MYO3A: variants seen among roughly 807,000 people sequenced by gnomAD.
MYO3A encodes the protein myosin IIIA.
MYO3A carries 180 observed loss-of-function variants against 192.7 expected under a neutral mutation model. That is an observed-to-expected ratio of 0.93 (90% CI 0.83 to 1.06). The LOEUF is 1.06. Ranked by LOEUF, MYO3A falls within the 50% of genes least tolerant of loss-of-function variation. The pLI is 0.00. For missense variants in MYO3A, 1,896 were observed against 1,905.0 expected (o/e 1.00, Z 0.09); for synonymous variants, 628 against 645.3 (o/e 0.97, Z 0.41).
At chr10:26,034,801 GC>G (rs1842951592) in intron 10 of MYO3A, among the ~76,000 whole-genome samples, 1 of 151,584 alleles carries the variant, frequency 6.6e-6, no homozygotes, top group Non-Finnish European at 1.5e-5. Flanking sequence ...GCTGTAATAG[GC>G]AAGACGGGCT....
chr10:26,081,142 C>CT (rs1835920420), intron 14 of MYO3A, among the ~76,000 whole-genome samples: 1 of 93,662 alleles, frequency 1.1e-5, no homozygotes, highest in African/African-American at 3.4e-5. Flanking sequence ...TTCCCCCCCC[C>CT]CCCGCCCCCG....
At chr10:26,148,402 C>T (rs1840598862) in intron 23 of MYO3A, among the ~76,000 whole-genome samples, 1 of 152,158 alleles carries the variant, frequency 6.6e-6, no homozygotes, top group South Asian at 2.1e-4. Context: ...ACTACTGTAG[C>T]TTTCTATAAA....
intron 10 of MYO3A, among the ~76,000 whole-genome samples, chr10:26,029,241 T>C (rs1842701528): frequency 6.6e-6 from 1 of 152,144 alleles, no homozygotes; most frequent in Admixed American, 6.6e-5. Context: ...ACACAAGATG[T>C]AGTCTTGTTT....
At chr10:26,007,838 CATCAAGCTACCAATGACTTTCTT>C (rs1464163665) in intron 6 of MYO3A, among the ~76,000 whole-genome samples, 73 of 151,934 alleles carry the variant, frequency 4.8e-4, no homozygotes, top group Admixed American at 4.6e-3. Flanking sequence ...TTGCCATCCC[CATCAAGCTACCAATGACTTTCTT>C]CACAGAATTG....
Position 25,954,971 on chromosome 10 carries a change from A to T in MYO3A, c.266A>T (p.Asp89Val). The T allele has an allele frequency of 6.2e-7, 1 of 1,612,928 alleles. No homozygotes were observed. Among genetic ancestry groups the T allele is most frequent in the Non-Finnish European group, 8.5e-7 (1 of 1,179,128 alleles). ...TTCTATGGGATATACTTTAAGAAGG[A>T]TAAAGTAAATGGAGACAAGCTGTGG... ...VRFYGIYFKKDKVNGDKLWLV... is the reference protein window; with the variant it reads ...VRFYGIYFKKVKVNGDKLWLV... The change falls in exon 4 of 35, where the codon GAT becomes GTT. Residue 89 changes from aspartate to valine, a missense_variant. Coordinates refer to ENST00000642920, the MANE Select transcript of MYO3A (RefSeq NM_017433.5).
At position 26,125,629 on chromosome 10, in the gene MYO3A, A is replaced by G. The variant is rs748248438; in HGVS notation, c.2114+21A>G. 27 of 1,599,248 alleles carry G rather than the reference A, an allele frequency of 1.7e-5. No homozygotes were observed. The East Asian group carries it at 2.9e-4, about 17-fold the overall frequency. ...CCAAGGTAAAAATTTTTACAGAAAC[A>G]TTTTTTTCCCAAATGTCAGGTGATG... On this transcript the variant is annotated intron_variant, in intron 19 of 34. Transcript: ENST00000642920.
intron 31 of MYO3A, among the ~76,000 whole-genome samples, chr10:26,183,735 G>A (rs1038019242): frequency 2.6e-5 from 4 of 152,010 alleles, no homozygotes; most frequent in Admixed American, 2.6e-4. Flanking sequence ...AGTTCAGAAT[G>A]GGGCTGGGGG....
intron 4 of MYO3A, among the ~76,000 whole-genome samples, chr10:25,978,934 A>G (rs1049762617): frequency 7.5e-6 from 1 of 133,408 alleles, no homozygotes; most frequent in African/African-American, 2.5e-5. Context: ...TGTGCAGACT[A>G]TTATTATTGC....
At chr10:26,016,951 C>G (rs779920034) in intron 7 of MYO3A, 55 bp downstream of exon 7, 110 of 1,494,954 alleles carry the variant, frequency 7.4e-5, no homozygotes, top group Non-Finnish European at 1.7e-5. Context: ...TTTGACTTTC[C>G]TTTTTATGTG....
chr10:26,199,553 G>T (rs1843583148), intron 32 of MYO3A, among the ~76,000 whole-genome samples: 4 of 152,068 alleles, frequency 2.6e-5, no homozygotes. Flanking sequence ...CTGAGTCACA[G>T]AGCGAGACAC....
chr10:25,986,900 C>T (rs545164664), intron 4 of MYO3A, among the ~76,000 whole-genome samples: 1 of 152,190 alleles, frequency 6.6e-6, no homozygotes, highest in East Asian at 1.9e-4. Flanking sequence ...GCCCAAATAG[C>T]CAAAGCAAGA....
rs1589081458 is a variant in MYO3A, at chr10:26,175,378, C to G, written c.4293+821C>G. Among the ~76,000 whole-genome samples, 4 of 152,150 alleles carry G rather than the reference C, an allele frequency of 2.6e-5. No individual in the cohort carries two copies. The East Asian group carries it at 7.7e-4, about 29-fold the overall frequency. ...TATGTGTTAGCACTGTTATTTTCTC[C>G]AGTGTGAAATGAAGAGTTTTAACTG... On this transcript the variant is annotated intron_variant, in intron 30 of 34. Coordinates refer to ENST00000642920, the MANE Select transcript of MYO3A (RefSeq NM_017433.5).
chr10:26,201,642 C>T (rs1023152194), intron 33 of MYO3A, among the ~76,000 whole-genome samples: 18 of 150,800 alleles, frequency 1.2e-4, no homozygotes, highest in Non-Finnish European at 7.4e-5. Context: ...GCCGAGATTG[C>T]GCCACTGCAC....
Position 26,211,955 on chromosome 10 carries a change from C to G in MYO3A, c.4843C>G (p.Gln1615Glu). The G allele has an allele frequency of 6.2e-7, 1 of 1,613,422 alleles. No individual in the cohort carries two copies. Among genetic ancestry groups the G allele is most frequent in the Non-Finnish European group, 8.5e-7 (1 of 1,179,514 alleles). Reference sequence around the variant, plus strand: ...CTCCCAGCGCCGGCGCCTCGTCCAGCAGTCCTAACCGTTCAACGAGGCAGT... The same window carrying G: ...CTCCCAGCGCCGGCGCCTCGTCCAGGAGTCCTAACCGTTCAACGAGGCAGT... ...KTSQRRRLVQ[Q>E]S The change falls in exon 35 of 35, where the codon CAG (glutamine) becomes GAG (glutamate). Residue 1615 changes from glutamine to glutamate, a missense_variant. Transcript: ENST00000642920.
intron 12 of MYO3A, 93 bp downstream of exon 12, chr10:26,068,977 C>T (rs1835027398): frequency 1.1e-6 from 1 of 875,548 alleles, no homozygotes; most frequent in Non-Finnish European, 1.9e-6. Flanking sequence ...AAAATTTTAT[C>T]CAGTATTTTG....
intron 6 of MYO3A, among the ~76,000 whole-genome samples, chr10:26,010,227 G>A (rs1263222217): frequency 1.3e-5 from 2 of 152,210 alleles, no homozygotes; most frequent in Non-Finnish European, 2.9e-5. Flanking sequence ...ACTTCCAAGA[G>A]AAATCACATG....
intron 17 of MYO3A, among the ~76,000 whole-genome samples, chr10:26,115,260 G>A (rs1838431639): frequency 6.6e-6 from 1 of 152,172 alleles, no homozygotes; most frequent in Non-Finnish European, 1.5e-5. Flanking sequence ...GAGGCAAGGA[G>A]ACTGGTCAAG....
intron 4 of MYO3A, among the ~76,000 whole-genome samples, chr10:25,955,930 A>G (rs547433860): frequency 5.3e-5 from 8 of 152,176 alleles, no homozygotes; most frequent in African/African-American, 1.2e-4. Flanking sequence ...TAGGTAATTC[A>G]TACAGAATAG....
At chr10:26,169,308 T>C (rs1297130652) in intron 28 of MYO3A, among the ~76,000 whole-genome samples, 1 of 152,186 alleles carries the variant, frequency 6.6e-6, no homozygotes, top group Non-Finnish European at 1.5e-5. Flanking sequence ...GAAATAATAT[T>C]TATAACCATA....
Sources: allele counts gnomAD v4.1 joint callset (sites outside exome capture counted in the v4.1 genomes callset), GRCh38; gene constraint gnomAD v4.1.1; transcripts MANE v1.5; gene names NCBI Gene and HGNC (gene_info 2026-07-23, HGNC 2026-07-21).